Variants in MECOM observed in about 807,000 individuals in gnomAD.
MECOM encodes the protein histone-lysine N-methyltransferase MECOM.
MECOM carries 13 observed loss-of-function variants against 116.3 expected under a neutral mutation model. The ratio of observed to expected loss-of-function variants is 0.11; its 90% confidence interval spans 0.07 to 0.18. MECOM has a LOEUF of 0.18. Among genes scored for constraint, MECOM ranks in the 10% least tolerant of loss-of-function variants. MECOM has a pLI of 1.00. For missense variants in MECOM, 1,299 were observed against 1,509.0 expected (o/e 0.86, Z 2.31); for synonymous variants, 528 against 535.2 (o/e 0.99, Z 0.19).
intron 1 of MECOM, among the ~76,000 whole-genome samples, chr3:169,464,895 T>C (rs1267845521): frequency 6.6e-6 from 1 of 152,074 alleles, no homozygotes; most frequent in East Asian, 1.9e-4. Context: ...ATTTTTAGTG[T>C]TTACTGATTT....
In MECOM at chr3:169,415,682, G is replaced by A. The variant is rs184225055; in HGVS notation, c.38-34158C>T. 7.4e-4 allele frequency among the ~76,000 whole-genome samples: 112 copies of A among 151,594 alleles called. 1 individual carries two copies. Among genetic ancestry groups the A allele is most frequent in the African/African-American group, 2.5e-3 (105 of 41,274 alleles). On this transcript the variant is annotated intron_variant, in intron 1 of 16. Coordinates refer to ENST00000651503, the MANE Select transcript of MECOM (RefSeq NM_004991.4). ...ATAGGCTCAAAATAAAGGGGCAGAG[G>A]AATATTTACCAAGCCAATGGAAAGA...
chr3:169,296,645 T>A (rs1307858826), intron 2 of MECOM, among the ~76,000 whole-genome samples: 1 of 152,156 alleles, frequency 6.6e-6, no homozygotes, highest in Non-Finnish European at 1.5e-5. Flanking sequence ...GAGCATAACA[T>A]GACTTGATTC....
At chr3:169,597,354 A>G (rs1359748724) in intron 1 of MECOM, among the ~76,000 whole-genome samples, 1 of 152,188 alleles carries the variant, frequency 6.6e-6, no homozygotes, top group Non-Finnish European at 1.5e-5. Context: ...GAAGAGTCCA[A>G]TATTGTCAGA....
intron 9 of MECOM, among the ~76,000 whole-genome samples, chr3:169,111,466 A>C (rs1306878173): frequency 4.6e-5 from 7 of 152,186 alleles, no homozygotes; most frequent in Non-Finnish European, 7.4e-5. Flanking sequence ...TATGTGCTAC[A>C]TTCCAGTTTA....
intron 1 of MECOM, among the ~76,000 whole-genome samples, chr3:169,489,679 T>G (rs1363136261): frequency 6.6e-6 from 1 of 152,138 alleles, no homozygotes; most frequent in Non-Finnish European, 1.5e-5. Flanking sequence ...CCAGAACACT[T>G]GGTTAGGCGT....
intron 2 of MECOM, among the ~76,000 whole-genome samples, chr3:169,185,171 A>G (rs917437555): frequency 6.6e-6 from 1 of 152,184 alleles, no homozygotes; most frequent in Non-Finnish European, 1.5e-5. Flanking sequence ...TCTATAATGG[A>G]TAAGTAGATA....
At chr3:169,468,744 A>G (rs753675060) in intron 1 of MECOM, among the ~76,000 whole-genome samples, 2 of 152,224 alleles carry the variant, frequency 1.3e-5, no homozygotes, top group Non-Finnish European at 2.9e-5. Flanking sequence ...TGTTGTAACC[A>G]TTTCTGACAC....
intron 1 of MECOM, among the ~76,000 whole-genome samples, chr3:169,609,514 AC>A (rs1019127329): frequency 7.2e-5 from 11 of 151,818 alleles, no homozygotes; most frequent in Non-Finnish European, 1.5e-4. Context: ...CAAATTACAT[AC>A]CAAAGTCCAG....
At chr3:169,153,595 A>G (rs999823130) in intron 2 of MECOM, among the ~76,000 whole-genome samples, 4 of 152,192 alleles carry the variant, frequency 2.6e-5, no homozygotes, top group Non-Finnish European at 5.9e-5. Flanking sequence ...ACATTATGCA[A>G]TAACTCCAGG....
chr3:169,527,717 AAGACACACACAC>A (rs1464612539), intron 1 of MECOM, among the ~76,000 whole-genome samples: 2 of 152,064 alleles, frequency 1.3e-5, no homozygotes, highest in Non-Finnish European at 2.9e-5. Flanking sequence ...ATGGTTAGAG[AAGACACACACAC>A]AGACACACAC....
intron 3 of MECOM, among the ~76,000 whole-genome samples, chr3:169,132,556 A>G (rs924037643): frequency 6.6e-6 from 1 of 152,148 alleles, no homozygotes; most frequent in Non-Finnish European, 1.5e-5. Context: ...AGAAGAAAGA[A>G]TGAAGTTCTA....
intron 9 of MECOM, among the ~76,000 whole-genome samples, chr3:169,112,518 C>A (rs537723040): frequency 7.2e-5 from 11 of 152,104 alleles, no homozygotes; most frequent in Non-Finnish European, 1.3e-4. Context: ...TTAACTGAAT[C>A]CTGCTCACTC....
At chr3:169,433,627 A>AAG (rs1171783869) in intron 1 of MECOM, among the ~76,000 whole-genome samples, 10 of 131,894 alleles carry the variant, frequency 7.6e-5, no homozygotes, top group Admixed American at 3.1e-4. Context: ...GGAGAAAAGA[A>AAG]AGAAAGAGAA....
chr3:169,375,777 C>G (rs933647761), intron 2 of MECOM, among the ~76,000 whole-genome samples: 1 of 151,934 alleles, frequency 6.6e-6, no homozygotes, highest in Admixed American at 6.6e-5. Context: ...CCATTACTTA[C>G]AAAATTATTC....
chr3:169,356,407 G>A (rs569414588), intron 2 of MECOM, among the ~76,000 whole-genome samples: 32 of 151,984 alleles, frequency 2.1e-4, no homozygotes, highest in African/African-American at 7.5e-4. Flanking sequence ...AAACTATAAA[G>A]CTTGTGGATG....
chr3:169,395,860 T>C (rs1016590437), intron 1 of MECOM, among the ~76,000 whole-genome samples: 1 of 152,222 alleles, frequency 6.6e-6, no homozygotes, highest in African/African-American at 2.4e-5. Context: ...CTGTGTGTTT[T>C]CTTCACTGGT....
chr3:169,310,321 C>T (rs1456093577), intron 2 of MECOM, among the ~76,000 whole-genome samples: 1 of 152,222 alleles, frequency 6.6e-6, no homozygotes, highest in African/African-American at 2.4e-5. Context: ...CACACAGTCT[C>T]TGCCTTCTTC....
intron 2 of MECOM, among the ~76,000 whole-genome samples, chr3:169,313,279 A>G (rs1278077737): frequency 6.6e-6 from 1 of 151,528 alleles, no homozygotes; most frequent in Non-Finnish European, 1.5e-5. Context: ...TGAGGTTGGG[A>G]AAAAAAGAGA....
chr3:169,556,185 G>A (rs1469523452), intron 1 of MECOM, among the ~76,000 whole-genome samples: 2 of 152,154 alleles, frequency 1.3e-5, no homozygotes, highest in African/African-American at 2.4e-5. Context: ...GCCAATTAAA[G>A]CTACTTATTC....
Sources: allele counts gnomAD v4.1 joint callset (sites outside exome capture counted in the v4.1 genomes callset), GRCh38; gene constraint gnomAD v4.1.1; transcripts MANE v1.5; gene names NCBI Gene and HGNC (gene_info 2026-07-23, HGNC 2026-07-21).